AHCYL2: variants seen among roughly 807,000 people sequenced by gnomAD.
The protein encoded by AHCYL2 is adenosylhomocysteinase like 2.
Under a neutral mutation model 81.4 loss-of-function variants are expected in AHCYL2, and 28 were observed. That is an observed-to-expected ratio of 0.34 (90% CI 0.25 to 0.47). The LOEUF is 0.47. Among genes scored for constraint, AHCYL2 ranks in the 20% least tolerant of loss-of-function variants. The pLI, the probability that AHCYL2 is intolerant of heterozygous loss-of-function variation, is 1.00. For synonymous variants in AHCYL2, 272 were observed against 290.2 expected, an observed-to-expected ratio of 0.94 and a Z score of 0.64; for missense variants, 551 against 785.1, an observed-to-expected ratio of 0.70 and a Z score of 3.56.
intron 15 of AHCYL2, among the ~76,000 whole-genome samples, chr7:129,425,799 T>C (rs1238801656): frequency 2.6e-5 from 4 of 152,250 alleles, no homozygotes; most frequent in Non-Finnish European, 4.4e-5. Context: ...TAAAAGTTGA[T>C]ACATTTTCCC....
intron 11 of AHCYL2, chr7:129,409,990 A>G (rs1368011019): frequency 1.6e-6 from 1 of 632,350 alleles, no homozygotes; most frequent in Non-Finnish European, 2.7e-6. Context: ...CTCATGCAGA[A>G]GATTTGTCTC....
At chr7:129,363,155 G>C (rs1477820802) in intron 1 of AHCYL2, among the ~76,000 whole-genome samples, 2 of 152,116 alleles carry the variant, frequency 1.3e-5, no homozygotes, top group Non-Finnish European at 2.9e-5. Flanking sequence ...CGCAGGAGCC[G>C]ATACAGTTTG....
intron 1 of AHCYL2, among the ~76,000 whole-genome samples, chr7:129,309,760 A>G (rs1431142922): frequency 1.3e-5 from 2 of 151,942 alleles, no homozygotes; most frequent in Admixed American, 1.3e-4. Context: ...CATGTCTCTA[A>G]ATTCCAATCT....
intron 4 of AHCYL2, among the ~76,000 whole-genome samples, chr7:129,394,199 A>G (rs1429489124): frequency 6.6e-6 from 1 of 151,480 alleles, no homozygotes; most frequent in Non-Finnish European, 1.5e-5. Flanking sequence ...TTTGTAGAGA[A>G]GAGATCTTGC....
rs549076451 is a variant in AHCYL2 at position 129,253,280 on chromosome 7, C to T, written c.363+27841C>T. 3.3e-5 allele frequency among the ~76,000 whole-genome samples: 5 copies of T among 152,134 alleles called. No individual in the cohort carries two copies. The East Asian group carries it at 9.7e-4, about 29-fold the overall frequency. ...AGACTCATGAAGGCTTTGTCCCAAT[C>T]TTGAGAAGAAGAAGGGACCCTTAGG... On this transcript the variant is annotated intron_variant, in intron 1 of 16. Transcript: ENST00000325006.
chr7:129,364,330 T>C (rs934767465), intron 1 of AHCYL2, among the ~76,000 whole-genome samples: 2 of 152,256 alleles, frequency 1.3e-5, no homozygotes, highest in Non-Finnish European at 2.9e-5. Flanking sequence ...AGTCTCACTC[T>C]GTCACCCAGG....
intron 1 of AHCYL2, among the ~76,000 whole-genome samples, chr7:129,274,140 G>C (rs1796114357): frequency 1.3e-5 from 2 of 152,234 alleles, no homozygotes; most frequent in Admixed American, 1.3e-4. Context: ...GCCAGTAACT[G>C]TTATGTGTCT....
At chr7:129,286,648 G>C (rs1038319774) in intron 1 of AHCYL2, among the ~76,000 whole-genome samples, 6 of 152,054 alleles carry the variant, frequency 3.9e-5, no homozygotes, top group Non-Finnish European at 7.4e-5. Context: ...TTTTAGTAGA[G>C]ATGGGTTTCA....
intron 1 of AHCYL2, among the ~76,000 whole-genome samples, chr7:129,305,830 T>G (rs1385180956): frequency 6.6e-6 from 1 of 152,206 alleles, no homozygotes; most frequent in African/African-American, 2.4e-5. Flanking sequence ...AGTCTTTATT[T>G]CTCCTTCATG....
intron 1 of AHCYL2, among the ~76,000 whole-genome samples, chr7:129,239,430 ATT>A (rs780374168): frequency 9.2e-5 from 13 of 141,868 alleles, no homozygotes; most frequent in African/African-American, 1.0e-4. Context: ...ATTTTTATTA[ATT>A]TTTTTTTTTT....
chr7:129,240,978 T>A (rs1293225794), intron 1 of AHCYL2, among the ~76,000 whole-genome samples: 4 of 152,178 alleles, frequency 2.6e-5, no homozygotes, highest in Non-Finnish European at 5.9e-5. Flanking sequence ...ATTATTTAGT[T>A]GTAAATTAAA....
At chr7:129,231,123 T>C (rs1794420854) in intron 1 of AHCYL2, among the ~76,000 whole-genome samples, 1 of 152,002 alleles carries the variant, frequency 6.6e-6, no homozygotes, top group Non-Finnish European at 1.5e-5. Flanking sequence ...TTCCAGCTAC[T>C]CAGGAGGCTG....
At chr7:129,369,274 T>G (rs1187936549) in intron 1 of AHCYL2, among the ~76,000 whole-genome samples, 1 of 152,242 alleles carries the variant, frequency 6.6e-6, no homozygotes, top group Non-Finnish European at 1.5e-5. Flanking sequence ...TTAGCCTGAT[T>G]TCTTACAGCC....
intron 1 of AHCYL2, among the ~76,000 whole-genome samples, chr7:129,301,760 G>A (rs74767483): frequency 1.3e-5 from 2 of 152,134 alleles, no homozygotes; most frequent in African/African-American, 4.8e-5. Context: ...TTTGGTTACT[G>A]TAGCTCTGTA....
chr7:129,375,707 T>C lies in AHCYL2; in HGVS notation c.364-3931T>C, dbSNP rs1185889817. ...TGGGGCTGTACTGCTGAAGGGGTTG[T>C]TGGAGCTGCTTCAGGGATTCCAAGG... On this transcript the variant is annotated intron_variant, in intron 1 of 16. Transcript: ENST00000325006. 4 of 1,443,446 alleles carry C rather than the reference T, an allele frequency of 2.8e-6. No individual in the cohort carries two copies. In the African/African-American group the frequency reaches 4.3e-5, roughly 15 times the overall value. 89.4% of individuals were successfully genotyped at this position (1,443,446 alleles called of 1,614,324 possible).
At chr7:129,309,888 ATC>A (rs1372465131) in intron 1 of AHCYL2, among the ~76,000 whole-genome samples, 1 of 151,504 alleles carries the variant, frequency 6.6e-6, no homozygotes, top group Non-Finnish European at 1.5e-5. Context: ...CCCCTTCCTA[ATC>A]TCTGTCTCAT....
chr7:129,339,589 G>A (rs1400704638), intron 1 of AHCYL2, among the ~76,000 whole-genome samples: 1 of 151,912 alleles, frequency 6.6e-6, no homozygotes, highest in Non-Finnish European at 1.5e-5. Flanking sequence ...ATCTCTCACT[G>A]TTGCCCAGGC....
chr7:129,301,986 A>G (rs935640975), intron 1 of AHCYL2, among the ~76,000 whole-genome samples: 5 of 152,222 alleles, frequency 3.3e-5, no homozygotes, highest in South Asian at 4.1e-4. Flanking sequence ...CATTTTTACA[A>G]TATTGATTGT....
intron 1 of AHCYL2, among the ~76,000 whole-genome samples, chr7:129,335,110 G>A (rs549527745): frequency 6.6e-6 from 1 of 152,200 alleles, no homozygotes; most frequent in South Asian, 2.1e-4. Context: ...GGCCGGGCAT[G>A]GTGGCTCATG....
Sources: allele counts gnomAD v4.1 joint callset (sites outside exome capture counted in the v4.1 genomes callset), GRCh38; gene constraint gnomAD v4.1.1; transcripts MANE v1.5; gene names NCBI Gene and HGNC (gene_info 2026-07-23, HGNC 2026-07-21).